Variants in GPATCH2L observed in about 807,000 individuals in gnomAD.
The protein encoded by GPATCH2L is G patch domain-containing protein 2-like.
GPATCH2L carries 31 observed loss-of-function variants against 57.4 expected under a neutral mutation model. The ratio of observed to expected loss-of-function variants is 0.54; its 90% confidence interval spans 0.41 to 0.73. The LOEUF (loss-of-function observed/expected upper bound fraction) is 0.73. GPATCH2L is among the 30% of genes least tolerant of loss of function. The pLI, the probability that GPATCH2L is intolerant of heterozygous loss-of-function variation, is 0.00. For missense variants in GPATCH2L, 481 were observed against 599.9 expected (o/e 0.80, Z 2.07); for synonymous variants, 199 against 210.7 (o/e 0.94, Z 0.48).
chr14:76,171,829 T>C lies in GPATCH2L; in HGVS notation c.728-14T>C. On this transcript the variant is annotated splice_polypyrimidine_tract_variant and intron_variant, in intron 3 of 9. Coordinates refer to ENST00000261530, the MANE Select transcript of GPATCH2L (RefSeq NM_017926.4). Reference sequence around the variant, plus strand: ...TTTAAAATTCTAGCTTATGATATGATGTCTTTACTTTAGGTGATGACGAAC... The same window carrying C: ...TTTAAAATTCTAGCTTATGATATGACGTCTTTACTTTAGGTGATGACGAAC... 6.6e-7 allele frequency: 1 copy of C among 1,505,906 alleles called. No homozygotes were observed. 93.3% of individuals were successfully genotyped at this position (1,505,906 alleles called of 1,614,324 possible). A position where few individuals can be genotyped will look rare whatever the true frequency, so the allele number is the denominator to read the frequency against.
rs542542655 is a variant in GPATCH2L, at chr14:76,211,998, T to C, written c.*10147T>C. 3.3e-5 allele frequency: 5 copies of C among 152,240 alleles called. No individual in the cohort carries two copies. Among genetic ancestry groups the C allele is most frequent in the South Asian group, 2.1e-4 (1 of 4,818 alleles). The allele number at this position is 152,240 out of a possible 1,614,324, so 9.4% of individuals were successfully genotyped here. On this transcript the variant is annotated 3_prime_UTR_variant, in exon 10 of 10. Transcript: ENST00000261530. ...CTTATGTTCCATTATTAAAATAGTA[T>C]AGGGAGGACAGGTAAATTACTAATT...
At chr14:76,199,862 G>T (rs867992137) in intron 9 of GPATCH2L, among the ~76,000 whole-genome samples, 21 of 152,126 alleles carry the variant, frequency 1.4e-4, no homozygotes, top group East Asian at 9.6e-4. Context: ...ATAGATTTTT[G>T]CATACCTTTG....
In GPATCH2L at chr14:76,202,842, G is replaced by C. The variant is rs1253278872; in HGVS notation, c.*991G>C. ...TGCATGTGGAGTTATATATACAGTCGTGCCTGAAGTTGGATGCTACTTTGT... is the reference window on the plus strand; with the variant it reads ...TGCATGTGGAGTTATATATACAGTCCTGCCTGAAGTTGGATGCTACTTTGT... On this transcript the variant is annotated 3_prime_UTR_variant, in exon 10 of 10. Transcript: ENST00000261530. 1 of 152,594 alleles carries C rather than the reference G, an allele frequency of 6.6e-6. No homozygotes were observed. The highest frequency in any genetic ancestry group is 6.5e-5 in the Admixed American group (1 of 15,280). The allele number at this position is 152,594 out of a possible 1,614,324, so 9.5% of individuals were successfully genotyped here.
intron 2 of GPATCH2L, among the ~76,000 whole-genome samples, chr14:76,235,180 A>AAG (rs1405992330): frequency 6.6e-6 from 1 of 151,776 alleles, no homozygotes; most frequent in African/African-American, 2.4e-5. Flanking sequence ...AAAAAAAAAA[A>AAG]AAAAGAAAAA....
intron 2 of GPATCH2L, 60 bp from the exon 3 acceptor site, chr14:76,166,603 T>G: frequency 8.9e-7 from 1 of 1,126,378 alleles, no homozygotes; most frequent in South Asian, 1.2e-5. Flanking sequence ...AAAATAAGTG[T>G]ACAGTGCTTT....
chr14:76,195,883 C>CAA lies in GPATCH2L; in HGVS notation c.1201_1202dup (p.Asn401LysfsTer55). On this transcript the variant is annotated frameshift_variant, in exon 9 of 10. Transcript: ENST00000261530. LOFTEE classifies it high-confidence loss of function. Reference sequence around the variant, plus strand: ...TCTTCTTCTTACATCTGCAGACAGGCAAATGTACACTGGGGACCACCATGT... The same window carrying CAA: ...TCTTCTTCTTACATCTGCAGACAGGCAAAAATGTACACTGGGGACCACCATGT... The CAA allele has an allele frequency of 6.2e-7, 1 of 1,612,460 alleles. No individual in the cohort carries two copies. The highest frequency in any genetic ancestry group is 8.5e-7 in the Non-Finnish European group (1 of 1,178,600).
rs530486084 is a variant in GPATCH2L at position 76,211,485 on chromosome 14, A to G, written c.*9634A>G. 1 of 152,314 alleles carries G rather than the reference A, an allele frequency of 6.6e-6. No homozygotes were observed. Among genetic ancestry groups the G allele is most frequent in the South Asian group, 2.1e-4 (1 of 4,824 alleles). The allele number at this position is 152,314 out of a possible 1,614,324, so 9.4% of individuals were successfully genotyped here. A position where few individuals can be genotyped will look rare whatever the true frequency, so the allele number is the denominator to read the frequency against. On this transcript the variant is annotated 3_prime_UTR_variant, in exon 10 of 10. Transcript: ENST00000261530. ...TGGAAGTAATGGTGTATTTGGAATC[A>G]TGGCTGACTGATTCCATTACATGTT...
At chr14:76,192,264 A>G (rs1417562385) in intron 8 of GPATCH2L, among the ~76,000 whole-genome samples, 1 of 151,788 alleles carries the variant, frequency 6.6e-6, no homozygotes, top group African/African-American at 2.4e-5. Flanking sequence ...CAAGCTGTAA[A>G]CTCTAGCAGT....
chr14:76,181,078 T>G lies in GPATCH2L; in HGVS notation c.1193+229T>G, dbSNP rs533212717. Among the ~76,000 whole-genome samples the G allele has an allele frequency of 3.3e-5, 5 of 152,342 alleles. No individual in the cohort carries two copies. In the Middle Eastern group the frequency reaches 0.017, roughly 518 times the overall value. On this transcript the variant is annotated intron_variant, in intron 8 of 9. Coordinates refer to ENST00000261530, the MANE Select transcript of GPATCH2L (RefSeq NM_017926.4). ...AGTCTCAACTTTGACCTAAGTCTTCTGGCTCATATTTCATTTTATTTCTGC... is the reference window on the plus strand; with the variant it reads ...AGTCTCAACTTTGACCTAAGTCTTCGGGCTCATATTTCATTTTATTTCTGC...
At chr14:76,184,505 G>A (rs2039696082) in intron 8 of GPATCH2L, among the ~76,000 whole-genome samples, 2 of 151,850 alleles carry the variant, frequency 1.3e-5, no homozygotes. Flanking sequence ...GGGGGCGGGG[G>A]GCATTGGGAG....
chr14:76,198,512 A>G lies in GPATCH2L; in HGVS notation c.1288+2540A>G, dbSNP rs1041515958. ...CAGATTCCAATCCTTTAAAAAGTAA[A>G]CACATGCCTTTTGATAAAGCGGAAT... On this transcript the variant is annotated intron_variant, in intron 9 of 9. Transcript: ENST00000261530. Among the ~76,000 whole-genome samples the G allele has an allele frequency of 3.3e-5, 5 of 152,304 alleles. No individual in the cohort carries two copies. The East Asian group carries it at 9.6e-4, about 29-fold the overall frequency.
chr14:76,171,903 C>G lies in GPATCH2L; in HGVS notation c.788C>G (p.Pro263Arg), dbSNP rs2039102538. ...EGECVPGFTV[P>R]NLLPKWAPDH... ...GAATGTGTCCCAGGATTCACTGTCC[C>G]TAATCTTCTGCCCAAGTGGGCTCCT... Residue 263 changes from proline (P) to arginine (R), a missense_variant, in exon 4 of 10, where the codon CCT becomes CGT. By Grantham distance (103) the Pro-to-Arg change is moderately radical (BLOSUM62 -2). Coordinates refer to ENST00000261530, the MANE Select transcript of GPATCH2L (RefSeq NM_017926.4). 1 of 1,609,722 alleles carries G rather than the reference C, an allele frequency of 6.2e-7. No homozygotes were observed.
At chr14:76,199,617 A>T (rs1307608364) in intron 9 of GPATCH2L, among the ~76,000 whole-genome samples, 1 of 152,170 alleles carries the variant, frequency 6.6e-6, no homozygotes, top group Non-Finnish European at 1.5e-5. Flanking sequence ...CTTTTAGGCC[A>T]CTTCCTGCTC....
At position 76,208,567 on chromosome 14, in the gene GPATCH2L, CCA is replaced by C. The variant is rs150323805; in HGVS notation, c.*6728_*6729del. The C allele has an allele frequency of 3.3e-5, 5 of 152,136 alleles. No homozygotes were observed. Among genetic ancestry groups the C allele is most frequent in the Non-Finnish European group, 2.9e-5 (2 of 67,998 alleles). 9.4% of individuals were successfully genotyped at this position (152,136 alleles called of 1,614,324 possible). A position where few individuals can be genotyped will look rare whatever the true frequency, so the allele number is the denominator to read the frequency against. The stretch of plus-strand genomic sequence containing the variant: ...CGGGCAGAACTTCCCACTTAGACAC[CCA>C]CACACACACACGCTTCCTTACCTTC... On this transcript the variant is annotated 3_prime_UTR_variant, in exon 10 of 10. Transcript: ENST00000261530.
chr14:76,164,716 A>T (rs774629807), intron 2 of GPATCH2L, among the ~76,000 whole-genome samples: 2 of 152,238 alleles, frequency 1.3e-5, no homozygotes, highest in Non-Finnish European at 2.9e-5. Context: ...CTTGAAAGGC[A>T]AACAGTTCAT....
intron 7 of GPATCH2L, chr14:76,178,287 A>G: frequency 1.4e-6 from 2 of 1,425,130 alleles, no homozygotes; most frequent in South Asian, 2.4e-5. Flanking sequence ...TGCGTTGAGA[A>G]GTACTATGTT....
chr14:76,187,161 G>A (rs923738855), intron 8 of GPATCH2L, among the ~76,000 whole-genome samples: 4 of 151,884 alleles, frequency 2.6e-5, no homozygotes, highest in African/African-American at 7.2e-5. Flanking sequence ...AAAATCACAT[G>A]TGAGAAAGGA....
At chr14:76,180,577 G>A (rs2039524547) in intron 7 of GPATCH2L, among the ~76,000 whole-genome samples, 187 bp from the exon 8 acceptor site, 1 of 152,040 alleles carries the variant, frequency 6.6e-6, no homozygotes, top group South Asian at 2.1e-4. Flanking sequence ...TCCGAGGTGT[G>A]CTAGATCAGG....
intron 2 of GPATCH2L, among the ~76,000 whole-genome samples, chr14:76,231,911 T>A (rs548278683): frequency 8.3e-3 from 35 of 4,192 alleles, no homozygotes; most frequent in African/African-American, 0.01. Context: ...TATATATATA[T>A]AAAACAGGGT....
Sources: gnomAD v4.1 joint callset for allele counts (sites outside exome capture counted in the v4.1 genomes callset) on GRCh38, gnomAD v4.1.1 for gene constraint, MANE v1.5 for transcripts, NCBI Gene and HGNC (gene_info 2026-07-23, HGNC 2026-07-21) for gene names.